Variants in TNPO3 observed in about 807,000 individuals in gnomAD.
The protein encoded by TNPO3 is transportin-3.
A neutral mutation model predicts 122.8 loss-of-function variants in TNPO3; 65 were observed. The ratio of observed to expected loss-of-function variants is 0.53; its 90% CI spans 0.43 to 0.65. The LOEUF is 0.65. Ranked by LOEUF, TNPO3 falls within the 30% of genes least tolerant of loss-of-function variation. The pLI, the probability that TNPO3 is intolerant of heterozygous loss-of-function variation, is 0.00. For missense variants in TNPO3, 850 were observed against 1,136.7 expected (o/e 0.75, Z 3.63); for synonymous variants, 372 against 411.2 (o/e 0.90, Z 1.15).
At chr7:129,012,091 C>T (rs139623125) in intron 4 of TNPO3, among the ~76,000 whole-genome samples, 6,494 of 149,744 alleles carry the variant, frequency 0.043, 198 homozygotes, top group Middle Eastern at 0.1. Flanking sequence ...CTGCAACCTC[C>T]GCCTCCCAGG....
chr7:128,971,141 C>A (rs1266707691), intron 19 of TNPO3: 2 of 149,598 alleles, frequency 1.3e-5, no homozygotes, highest in African/African-American at 4.9e-5. Flanking sequence ...TTTCTTCTTG[C>A]GGTCTTTAAT....
At chr7:128,956,570 T>A (rs1329249707) in intron 22 of TNPO3, among the ~76,000 whole-genome samples, 1 of 152,218 alleles carries the variant, frequency 6.6e-6, no homozygotes, top group African/African-American at 2.4e-5. Context: ...GAATGAGCAT[T>A]GGAGCATTTT....
chr7:128,973,138 G>A (rs1468422211), intron 18 of TNPO3, among the ~76,000 whole-genome samples: 1 of 152,158 alleles, frequency 6.6e-6, no homozygotes, highest in Non-Finnish European at 1.5e-5. Context: ...AGGTTAAAAA[G>A]TCCTAAAGAT....
intron 21 of TNPO3, among the ~76,000 whole-genome samples, chr7:128,963,768 A>G (rs1563085864): frequency 2.0e-5 from 3 of 152,268 alleles, no homozygotes; most frequent in South Asian, 2.1e-4. Context: ...GGAAAGTGAC[A>G]TTAAGAAATC....
At chr7:129,038,651 T>TA (rs1250992547) in intron 1 of TNPO3, among the ~76,000 whole-genome samples, 1 of 152,204 alleles carries the variant, frequency 6.6e-6, no homozygotes, top group East Asian at 1.9e-4. Flanking sequence ...TATGCAGCCA[T>TA]AAAAAAAGAA....
At chr7:128,991,941 T>A in intron 10 of TNPO3, 58 bp downstream of exon 10, 1 of 1,250,990 alleles carries the variant, frequency 8.0e-7, no homozygotes, top group Non-Finnish European at 1.1e-6. Context: ...AAAAATAGTG[T>A]CATTTTCCTT....
intron 1 of TNPO3, among the ~76,000 whole-genome samples, chr7:129,051,702 G>A (rs1808794962): frequency 6.6e-6 from 1 of 152,058 alleles, no homozygotes. Flanking sequence ...GGAGTGCAGT[G>A]ACACAATATC....
intron 1 of TNPO3, among the ~76,000 whole-genome samples, chr7:129,028,259 T>C (rs144992025): frequency 2.7e-4 from 41 of 152,320 alleles, no homozygotes; most frequent in African/African-American, 9.6e-4. Flanking sequence ...CAATGTTGCA[T>C]ATTAAACTGA....
In TNPO3 at chr7:128,957,320, A is replaced by C. The variant is rs1421171464; in HGVS notation, c.2712-5T>G. On this transcript the variant is annotated splice_polypyrimidine_tract_variant and splice_region_variant and intron_variant, in intron 21 of 22. Coordinates refer to ENST00000265388, the MANE Select transcript of TNPO3 (RefSeq NM_012470.4). ...ACTTGTTTACATTCCTCAGCACTAG[A>C]AAAGAAAAGGTAGGTTGGTCCTTGA... The C allele has an allele frequency of 6.2e-7, 1 of 1,614,020 alleles. No individual in the cohort carries two copies. The highest frequency in any genetic ancestry group is 8.5e-7 in the Non-Finnish European group (1 of 1,180,000).
chr7:129,009,278 T>C (rs1429163055), intron 4 of TNPO3, among the ~76,000 whole-genome samples: 1 of 152,198 alleles, frequency 6.6e-6, no homozygotes, highest in African/African-American at 2.4e-5. Context: ...TGTTTAGGAA[T>C]GGGTCCATTA....
chr7:128,975,621 G>A (rs1798972266), intron 17 of TNPO3, among the ~76,000 whole-genome samples, 198 bp downstream of exon 17: 1 of 152,194 alleles, frequency 6.6e-6, no homozygotes, highest in Non-Finnish European at 1.5e-5. Flanking sequence ...TTACACTCAT[G>A]TGGTCAGTCT....
intron 4 of TNPO3, among the ~76,000 whole-genome samples, chr7:129,013,235 G>A (rs767550294): frequency 8.5e-5 from 13 of 152,054 alleles, no homozygotes; most frequent in Non-Finnish European, 1.8e-4. Flanking sequence ...TCTGGGCAAA[G>A]ATCTCTTAAG....
At chr7:128,980,960 G>A (rs534068782) in intron 14 of TNPO3, among the ~76,000 whole-genome samples, 5 of 150,534 alleles carry the variant, frequency 3.3e-5, no homozygotes, top group African/African-American at 1.2e-4. Flanking sequence ...CTCACAATTT[G>A]AAGAAAAGCA....
At chr7:128,986,988 A>G in intron 11 of TNPO3, 68 bp from the exon 12 acceptor site, 1 of 1,474,164 alleles carries the variant, frequency 6.8e-7, no homozygotes, top group East Asian at 2.3e-5. Flanking sequence ...TTATTAAAAC[A>G]GAGGTATACT....
At chr7:129,038,445 A>G (rs763917178) in intron 1 of TNPO3, among the ~76,000 whole-genome samples, 2 of 152,258 alleles carry the variant, frequency 1.3e-5, no homozygotes, top group Non-Finnish European at 2.9e-5. Context: ...AGCTAAAAAC[A>G]GAACTACCAT....
chr7:129,004,952 C>A, intron 5 of TNPO3, 64 bp downstream of exon 5: 1 of 1,529,506 alleles, frequency 6.5e-7, no homozygotes, highest in South Asian at 1.2e-5. Context: ...GTTTTTATGT[C>A]CCAGCAGGTT....
intron 12 of TNPO3, 95 bp from the exon 13 acceptor site, chr7:128,984,354 G>T: frequency 1.4e-6 from 1 of 701,176 alleles, no homozygotes. Context: ...AAAGCGAACT[G>T]GTTTGGTTCC....
At chr7:129,010,662 G>A (rs1315670956) in intron 4 of TNPO3, among the ~76,000 whole-genome samples, 1 of 152,108 alleles carries the variant, frequency 6.6e-6, no homozygotes, top group Non-Finnish European at 1.5e-5. Context: ...GTCAACCCTA[G>A]CATCACTAAT....
intron 8 of TNPO3, among the ~76,000 whole-genome samples, chr7:128,996,596 A>G (rs1801345228): frequency 6.6e-6 from 1 of 152,018 alleles, no homozygotes; most frequent in South Asian, 2.1e-4. Context: ...ACAAATAATT[A>G]GCCTGGCATG....
Sources: gnomAD v4.1 joint callset for allele counts (sites outside exome capture counted in the v4.1 genomes callset) on GRCh38, gnomAD v4.1.1 for gene constraint, MANE v1.5 for transcripts, NCBI Gene and HGNC (gene_info 2026-07-23, HGNC 2026-07-21) for gene names.